COBLL1: variants seen among roughly 807,000 people sequenced by gnomAD.
COBLL1 encodes the protein cordon-bleu WH2 repeat protein like 1.
A neutral mutation model predicts 94.8 loss-of-function variants in COBLL1; 50 were observed. The observed-to-expected ratio is 0.53, with a 90% CI of 0.42 to 0.67. The LOEUF (loss-of-function observed/expected upper bound fraction) is 0.67, where lower values mean the gene tolerates loss of function less well. Ranked by LOEUF, COBLL1 falls within the 30% of genes least tolerant of loss-of-function variation. The pLI is 0.00. For missense variants in COBLL1, 1,362 were observed against 1,348.7 expected (o/e 1.01, Z -0.15); for synonymous variants, 448 against 473.8 (o/e 0.95, Z 0.71).
chr2:164,665,506 T>G (rs1479966022), intron 2 of COBLL1, among the ~76,000 whole-genome samples: 1 of 151,630 alleles, frequency 6.6e-6, no homozygotes, highest in African/African-American at 2.4e-5. Flanking sequence ...AAGTGAAATC[T>G]TACTTCAAAA....
chr2:164,679,032 C>T (rs1022376229), downstream of COBLL1, among the ~76,000 whole-genome samples: 2 of 152,154 alleles, frequency 1.3e-5, no homozygotes, highest in African/African-American at 4.8e-5. Flanking sequence ...CCTATCCACC[C>T]AGTTTTGGAA....
intron 2 of COBLL1, among the ~76,000 whole-genome samples, chr2:164,773,264 C>A (rs926971321): frequency 5.3e-5 from 8 of 151,976 alleles, no homozygotes; most frequent in African/African-American, 1.9e-4. Flanking sequence ...AGCTAAAGCC[C>A]TAGATTAGCG....
chr2:164,739,012 CCTT>C (rs1686462946), intron 3 of COBLL1, among the ~76,000 whole-genome samples: 1 of 152,228 alleles, frequency 6.6e-6, no homozygotes, highest in Admixed American at 6.5e-5. Context: ...TTTAATTCCT[CCTT>C]CTTTCAGTCC....
Position 164,841,350 on chromosome 2 carries a change from G to C in COBLL1, c.-50-104C>G. 1 of 1,195,490 alleles carries C rather than the reference G, an allele frequency of 8.4e-7. No homozygotes were observed. The allele number at this position is 1,195,490 out of a possible 1,614,324, so 74.1% of individuals were successfully genotyped here. A position where few individuals can be genotyped will look rare whatever the true frequency, so the allele number is the denominator to read the frequency against. On this transcript the variant is annotated intron_variant, in intron 1 of 13. Transcript: ENST00000652658. The surrounding 1 kb of genome is among the most constrained non-coding windows in gnomAD (Gnocchi z 5.5). ...AGCCCGCCCGAGCCGCTCCAGCCCC[G>C]GCCGGCCCGCCTCCCGGGTGCGCTT... is the stretch of plus-strand genomic sequence containing the variant.
At chr2:164,691,796 A>G (rs1683609743) in intron 13 of COBLL1, among the ~76,000 whole-genome samples, 1 of 152,192 alleles carries the variant, frequency 6.6e-6, no homozygotes, top group Non-Finnish European at 1.5e-5. Flanking sequence ...GGTTTAACCT[A>G]TAAAACTCTT....
intron 3 of COBLL1, among the ~76,000 whole-genome samples, chr2:164,741,197 A>G (rs1017092575): frequency 5.9e-5 from 9 of 151,728 alleles, no homozygotes; most frequent in African/African-American, 1.9e-4. Context: ...AATTGCTTGA[A>G]CCCGGGAGGT....
In COBLL1 at chr2:164,683,447, A is replaced by G. The variant is rs1683135858; in HGVS notation, c.*2499T>C. 6.6e-6 allele frequency: 1 copy of G among 152,134 alleles called. No homozygotes were observed. The highest frequency in any genetic ancestry group is 2.4e-5 in the African/African-American group (1 of 41,452). 9.4% of individuals were successfully genotyped at this position (152,134 alleles called of 1,614,324 possible). On this transcript the variant is annotated 3_prime_UTR_variant, in exon 14 of 14. Coordinates refer to ENST00000652658, the MANE Select transcript of COBLL1 (RefSeq NM_001365672.2). ...AGGCAACTTTTCAGAACATACATGT[A>G]TTAATGGTTTATATACATAGCCCCC...
At chr2:164,696,861 C>T (rs1231273024) in intron 11 of COBLL1, 1 of 152,162 alleles carries the variant, frequency 6.6e-6, no homozygotes. Flanking sequence ...CTGTGCTTAT[C>T]TTCAAAACCC....
At chr2:164,670,736 C>G (rs1691229994) in intron 1 of COBLL1, among the ~76,000 whole-genome samples, 1 of 152,158 alleles carries the variant, frequency 6.6e-6, no homozygotes, top group African/African-American at 2.4e-5. Flanking sequence ...CCCCCACGAG[C>G]CTGCATGGTG....
intron 3 of COBLL1, among the ~76,000 whole-genome samples, chr2:164,742,169 A>G (rs1270916105): frequency 6.6e-6 from 1 of 152,072 alleles, no homozygotes; most frequent in Admixed American, 6.6e-5. Context: ...TTCTGATATT[A>G]AAGTCACTGA....
At chr2:164,679,570 A>G (rs953219128), downstream of COBLL1, among the ~76,000 whole-genome samples, 1 of 152,104 alleles carries the variant, frequency 6.6e-6, no homozygotes, top group Non-Finnish European at 1.5e-5. Context: ...GAACTTCATG[A>G]GTAAAATGTG....
At chr2:164,819,872 C>T (rs894813243) in intron 2 of COBLL1, among the ~76,000 whole-genome samples, 3 of 151,484 alleles carry the variant, frequency 2.0e-5, no homozygotes, top group Non-Finnish European at 4.4e-5. Flanking sequence ...GTTGCCCAGG[C>T]TGGAGTGCAA....
At chr2:164,687,354 G>A (rs1683353202) in intron 13 of COBLL1, 12 of 708,906 alleles carry the variant, frequency 1.7e-5, no homozygotes, top group African/African-American at 3.4e-5. Context: ...ACAGCCATAT[G>A]AGCCACTTCT....
intron 3 of COBLL1, among the ~76,000 whole-genome samples, chr2:164,730,817 A>G (rs1685969650): frequency 6.6e-6 from 1 of 152,004 alleles, no homozygotes; most frequent in Admixed American, 6.5e-5. Flanking sequence ...AGCATTTGGA[A>G]CCACCACCAC....
At chr2:164,673,140 A>T (rs1000887176) in intron 1 of COBLL1, among the ~76,000 whole-genome samples, 9 of 152,206 alleles carry the variant, frequency 5.9e-5, no homozygotes, top group Non-Finnish European at 1.0e-4. Flanking sequence ...TCTTATGAGA[A>T]TTTTCTTATT....
intron 2 of COBLL1, among the ~76,000 whole-genome samples, chr2:164,836,152 T>A (rs1262882304): frequency 1.3e-5 from 2 of 152,154 alleles, no homozygotes; most frequent in Non-Finnish European, 1.5e-5. Context: ...TCAAAAATCC[T>A]ACTTTTGAAA....
At chr2:164,784,787 A>G (rs1244035505) in intron 2 of COBLL1, among the ~76,000 whole-genome samples, 2 of 151,982 alleles carry the variant, frequency 1.3e-5, no homozygotes, top group Non-Finnish European at 2.9e-5. Flanking sequence ...TGCTATTTTC[A>G]TTTTTGGATT....
chr2:164,727,844 A>G, intron 5 of COBLL1, 125 bp downstream of exon 5: 1 of 490,292 alleles, frequency 2.0e-6, no homozygotes, highest in Non-Finnish European at 3.6e-6. Context: ...CCAAGTAATT[A>G]CTTTTATCTA....
intron 2 of COBLL1, among the ~76,000 whole-genome samples, chr2:164,798,261 G>C (rs1188146944): frequency 6.6e-6 from 1 of 152,132 alleles, no homozygotes; most frequent in African/African-American, 2.4e-5. Context: ...TTACTTTGTT[G>C]TATAAAAGTT....
Sources: gnomAD v4.1 joint callset for allele counts (sites outside exome capture counted in the v4.1 genomes callset) on GRCh38, gnomAD v4.1.1 for gene constraint, Gnocchi (gnomAD v3.1) non-coding constraint, MANE v1.5 for transcripts, NCBI Gene and HGNC (gene_info 2026-07-23, HGNC 2026-07-21) for gene names.